Variants in CSMD1 observed in about 807,000 individuals in gnomAD.
The protein encoded by CSMD1 is CUB and Sushi multiple domains 1, also known as CUB and sushi domain-containing protein 1.
A neutral mutation model predicts 417.5 loss-of-function variants in CSMD1; 213 were observed. The ratio of observed to expected loss-of-function variants is 0.51; its 90% confidence interval spans 0.46 to 0.57. The LOEUF (loss-of-function observed/expected upper bound fraction) is 0.57, where lower values mean the gene tolerates loss of function less well. Among genes scored for constraint, CSMD1 ranks in the 20% least tolerant of loss-of-function variants. The probability of loss-of-function intolerance (pLI) is 0.00; values close to 1 mark genes in which losing one functional copy is unlikely to be tolerated. For synonymous variants in CSMD1, 2,862 were observed against 1,736.8 expected (o/e 1.65, Z -16.11); for missense variants, 6,923 against 4,529.7 (o/e 1.53, Z -15.17).
At position 4,492,042 on chromosome 8, in the gene CSMD1, G is replaced by GA. The variant is rs1321350738; in HGVS notation, c.303-71978dup. Among the ~76,000 whole-genome samples, 293 of 144,056 alleles carry GA rather than the reference G, an allele frequency of 2.0e-3. 1 individual carries two copies. Among genetic ancestry groups the GA allele is most frequent in the African/African-American group, 7.2e-3 (281 of 39,202 alleles). 94.5% of individuals were successfully genotyped at this position (144,056 alleles called of 152,430 possible). ...GGAATATTATTCAGCAAAAAAAAAAGAAAAAAAAAGAAACGACCTGTCAAG... is the reference window on the plus strand; with the variant it reads ...GGAATATTATTCAGCAAAAAAAAAAGAAAAAAAAAAGAAACGACCTGTCAAG... On this transcript the variant is annotated intron_variant, in intron 2 of 69. Coordinates refer to ENST00000635120, the MANE Select transcript of CSMD1 (RefSeq NM_033225.6).
At chr8:3,971,514 C>G (rs1813088926) in intron 5 of CSMD1, among the ~76,000 whole-genome samples, 2 of 152,122 alleles carry the variant, frequency 1.3e-5, no homozygotes, top group Non-Finnish European at 2.9e-5. Flanking sequence ...ACTCCCGAAT[C>G]TATGATTAAA....
chr8:4,443,627 C>T (rs898848499), intron 2 of CSMD1, among the ~76,000 whole-genome samples: 1 of 152,214 alleles, frequency 6.6e-6, no homozygotes, highest in Non-Finnish European at 1.5e-5. Flanking sequence ...AAAGAATGTA[C>T]TGGAACAGCC....
At chr8:3,691,905 T>C (rs942069664) in intron 7 of CSMD1, among the ~76,000 whole-genome samples, 15 of 152,194 alleles carry the variant, frequency 9.9e-5, no homozygotes, top group Admixed American at 9.2e-4. Context: ...AGATTAAGCA[T>C]GTTTCACTGT....
chr8:3,018,546 G>A lies in CSMD1; in HGVS notation c.7960C>T (p.Leu2654Phe). The change falls in exon 52 of 70, where the codon CTT becomes TTT. Residue 2654 changes from leucine (L) to phenylalanine (F), a missense_variant. Coordinates refer to ENST00000635120, the MANE Select transcript of CSMD1 (RefSeq NM_033225.6). ...CACTCTCTGACATGAGACCCCACAAGCGTGTAGCCGGTGTTGCACGTAAAT... is the reference window on the plus strand; with the variant it reads ...CACTCTCTGACATGAGACCCCACAAACGTGTAGCCGGTGTTGCACGTAAAT... ...AIFTCNTGYT[L>F]VGSHVRECLA... 7.4e-6 allele frequency: 12 copies of A among 1,613,750 alleles called. No individual in the cohort carries two copies. In the Middle Eastern group the frequency reaches 9.9e-4, roughly 133 times the overall value.
chr8:3,868,533 G>A (rs13268401), intron 5 of CSMD1, among the ~76,000 whole-genome samples: 12,584 of 152,040 alleles, frequency 0.083, 585 homozygotes, highest in South Asian at 0.15. Context: ...TCCCAAATGC[G>A]TACCTGCAGC....
At chr8:4,787,850 G>C (rs1407798247) in intron 1 of CSMD1, 2 of 1,568,238 alleles carry the variant, frequency 1.3e-6, no homozygotes, top group Admixed American at 3.4e-5. Context: ...GAGAAATCCT[G>C]GTTGCCCCAG....
At chr8:4,674,019 T>G (rs1805517803) in intron 1 of CSMD1, among the ~76,000 whole-genome samples, 1 of 152,176 alleles carries the variant, frequency 6.6e-6, no homozygotes, top group East Asian at 1.9e-4. Flanking sequence ...AATCTTACGG[T>G]ATGAGAAGTA....
At chr8:3,936,375 T>C (rs995782308) in intron 5 of CSMD1, among the ~76,000 whole-genome samples, 3 of 152,124 alleles carry the variant, frequency 2.0e-5, no homozygotes, top group Middle Eastern at 3.2e-3. Context: ...AGGATTTTCA[T>C]AGCTAGAGAA....
chr8:3,800,766 C>A (rs540119913), intron 5 of CSMD1, among the ~76,000 whole-genome samples: 1 of 152,122 alleles, frequency 6.6e-6, no homozygotes, highest in South Asian at 2.1e-4. Context: ...TGTTTTTAAG[C>A]AAATTCCCTC....
chr8:4,032,895 G>A (rs147831252), intron 3 of CSMD1, among the ~76,000 whole-genome samples: 1,765 of 152,186 alleles, frequency 0.012, 33 homozygotes, highest in African/African-American at 0.039. Flanking sequence ...GTGGGATGGG[G>A]CAGTCAGACA....
chr8:3,566,108 G>A (rs759291230), intron 10 of CSMD1, among the ~76,000 whole-genome samples: 6 of 151,888 alleles, frequency 4.0e-5, no homozygotes, highest in Admixed American at 1.3e-4. Context: ...GGAAGGAGGC[G>A]GAGAAGAAGG....
In CSMD1 at chr8:3,477,291, T is replaced by G. The variant is rs1817488165; in HGVS notation, c.1449-8467A>C. Among the ~76,000 whole-genome samples, 3 of 152,214 alleles carry G rather than the reference T, an allele frequency of 2.0e-5. No homozygotes were observed. The South Asian group carries it at 6.2e-4, about 32-fold the overall frequency. ...TAAACCTTTAATATACTCATTACAG[T>G]TGAAAATTTGACAATGGAAACGTAA... is the stretch of plus-strand genomic sequence containing the variant. On this transcript the variant is annotated intron_variant, in intron 11 of 69. Transcript: ENST00000635120.
chr8:4,313,434 C>T (rs1267929005), intron 3 of CSMD1, among the ~76,000 whole-genome samples: 3 of 147,808 alleles, frequency 2.0e-5, no homozygotes, highest in Admixed American at 1.4e-4. Flanking sequence ...ACCCCTGTGA[C>T]ATTTAATTCT....
chr8:3,652,250 T>C (rs560769214), intron 7 of CSMD1, among the ~76,000 whole-genome samples: 25 of 151,118 alleles, frequency 1.7e-4, no homozygotes, highest in East Asian at 9.9e-4. Context: ...ACCAACGTCA[T>C]TGCACTTACC....
intron 1 of CSMD1, among the ~76,000 whole-genome samples, chr8:4,792,422 A>T (rs914743339): frequency 2.0e-5 from 3 of 152,184 alleles, no homozygotes; most frequent in African/African-American, 4.8e-5. Flanking sequence ...AATATTCAGC[A>T]GTGGTACAGC....
intron 3 of CSMD1, among the ~76,000 whole-genome samples, chr8:4,287,851 CTG>C (rs750009159): frequency 2.0e-5 from 3 of 152,016 alleles, no homozygotes; most frequent in Non-Finnish European, 4.4e-5. Context: ...AGTGCCTCCC[CTG>C]TTCCTAGGTG....
intron 12 of CSMD1, among the ~76,000 whole-genome samples, chr8:3,449,024 C>A (rs1224175854): frequency 6.6e-6 from 1 of 152,142 alleles, no homozygotes; most frequent in Non-Finnish European, 1.5e-5. Flanking sequence ...TAGTAGGAGG[C>A]AGAAAAGTTT....
intron 37 of CSMD1, among the ~76,000 whole-genome samples, chr8:3,175,498 TGCCTGCCTGCC>T (rs1820869430): frequency 8.2e-6 from 1 of 122,246 alleles, no homozygotes; most frequent in African/African-American, 3.1e-5. Context: ...CCTGCCTGCC[TGCCTGCCTGCC>T]TTTTTTCCTT....
At chr8:4,675,036 T>C (rs770875645) in intron 1 of CSMD1, among the ~76,000 whole-genome samples, 2 of 152,208 alleles carry the variant, frequency 1.3e-5, no homozygotes, top group Non-Finnish European at 2.9e-5. Context: ...GGCTGCACCT[T>C]AGTGTTGGAC....
Sources: gnomAD v4.1 joint callset for allele counts (sites outside exome capture counted in the v4.1 genomes callset) on GRCh38, gnomAD v4.1.1 for gene constraint, MANE v1.5 for transcripts, NCBI Gene and HGNC (gene_info 2026-07-23, HGNC 2026-07-21) for gene names.